The following SPATA17 variants were observed in gnomAD, a reference collection of about 807,000 sequenced individuals.
SPATA17 encodes the protein spermatogenesis associated 17.
SPATA17 carries 53 observed loss-of-function variants against 62.2 expected under a neutral mutation model. The ratio of observed to expected loss-of-function variants is 0.85; its 90% CI spans 0.68 to 1.07. The LOEUF is 1.07. Among genes scored for constraint, SPATA17 ranks in the 50% least tolerant of loss-of-function variants. The probability of loss-of-function intolerance (pLI) is 0.00; values close to 1 mark genes in which losing one functional copy is unlikely to be tolerated. For synonymous variants in SPATA17, 146 were observed against 146.8 expected, an observed-to-expected ratio of 0.99 and a Z score of 0.04; for missense variants, 466 against 425.5, an observed-to-expected ratio of 1.10 and a Z score of -0.84.
At chr1:217,864,262 A>T (rs1035040472) in intron 10 of SPATA17, among the ~76,000 whole-genome samples, 1 of 152,194 alleles carries the variant, frequency 6.6e-6, no homozygotes, top group African/African-American at 2.4e-5. Flanking sequence ...TAACTCAAAG[A>T]TATATCAGTC....
chr1:217,673,874 G>A (rs760601632), intron 4 of SPATA17, among the ~76,000 whole-genome samples: 15 of 152,058 alleles, frequency 9.9e-5, no homozygotes. Context: ...CCATCCTAAA[G>A]TCTATTTCTT....
At chr1:217,820,452 A>C (rs140498902) in intron 9 of SPATA17, among the ~76,000 whole-genome samples, 157 of 152,100 alleles carry the variant, frequency 1.0e-3, no homozygotes, top group African/African-American at 3.6e-3. Flanking sequence ...AGAAGTATTA[A>C]GAATGCAGAT....
At chr1:217,654,002 G>C (rs1670378881) in intron 3 of SPATA17, among the ~76,000 whole-genome samples, 1 of 152,028 alleles carries the variant, frequency 6.6e-6, no homozygotes, top group Non-Finnish European at 1.5e-5. Flanking sequence ...TGCTTCTTTT[G>C]TATGTGAAAT....
At chr1:217,698,141 A>G (rs1157311925) in intron 5 of SPATA17, among the ~76,000 whole-genome samples, 1 of 152,100 alleles carries the variant, frequency 6.6e-6, no homozygotes, top group Non-Finnish European at 1.5e-5. Context: ...AAATTTTTGT[A>G]AAAGTACAAA....
chr1:217,761,632 AGGGGT>A (rs1033359552), intron 6 of SPATA17, among the ~76,000 whole-genome samples: 5 of 152,148 alleles, frequency 3.3e-5, no homozygotes, highest in African/African-American at 1.2e-4. Flanking sequence ...AGGGTGGACT[AGGGGT>A]AGGGGTAGGG....
At chr1:217,717,892 G>A (rs1420188636) in intron 5 of SPATA17, among the ~76,000 whole-genome samples, 4 of 149,096 alleles carry the variant, frequency 2.7e-5, no homozygotes, top group Non-Finnish European at 5.9e-5. Context: ...TACAATGTGT[G>A]TCCGTTTAAT....
intron 3 of SPATA17, among the ~76,000 whole-genome samples, chr1:217,656,130 C>T (rs1232999437): frequency 3.3e-5 from 5 of 151,986 alleles, no homozygotes; most frequent in South Asian, 2.1e-4. Flanking sequence ...ATGATCCACC[C>T]GCCTTGGCCT....
chr1:217,823,425 T>A (rs1674917305), intron 9 of SPATA17, among the ~76,000 whole-genome samples: 1 of 151,974 alleles, frequency 6.6e-6, no homozygotes, highest in Admixed American at 6.6e-5. Context: ...TATATAGGGC[T>A]CTCTAGTTTA....
chr1:217,809,541 G>T (rs1450963803), intron 9 of SPATA17, among the ~76,000 whole-genome samples: 1 of 151,816 alleles, frequency 6.6e-6, no homozygotes, highest in East Asian at 2.0e-4. Flanking sequence ...GGGGAAGCAG[G>T]CACATGAGGA....
intron 6 of SPATA17, among the ~76,000 whole-genome samples, chr1:217,773,579 T>C (rs972132539): frequency 6.6e-6 from 1 of 152,126 alleles, no homozygotes. Flanking sequence ...GACTTAACAT[T>C]TGTCACACAT....
At chr1:217,643,478 G>A (rs1340332582) in intron 1 of SPATA17, among the ~76,000 whole-genome samples, 1 of 152,014 alleles carries the variant, frequency 6.6e-6, no homozygotes, top group Non-Finnish European at 1.5e-5. Context: ...CACTGTCCTT[G>A]CTAAGCTCAG....
intron 2 of SPATA17, among the ~76,000 whole-genome samples, chr1:217,650,008 C>T (rs1670273491): frequency 6.9e-6 from 1 of 144,370 alleles, no homozygotes; most frequent in African/African-American, 2.6e-5. Flanking sequence ...GGCACCATTT[C>T]GGTTCACCGC....
At chr1:217,814,454 T>C (rs1674666743) in intron 9 of SPATA17, among the ~76,000 whole-genome samples, 1 of 152,156 alleles carries the variant, frequency 6.6e-6, no homozygotes, top group Non-Finnish European at 1.5e-5. Context: ...AATCTTTTTC[T>C]GACAGTGAGA....
At chr1:217,661,523 C>G (rs1246082920) in intron 3 of SPATA17, among the ~76,000 whole-genome samples, 1 of 152,112 alleles carries the variant, frequency 6.6e-6, no homozygotes, top group Non-Finnish European at 1.5e-5. Context: ...ACTTCATTAA[C>G]CCACAATAAT....
intron 6 of SPATA17, among the ~76,000 whole-genome samples, chr1:217,768,917 T>C (rs1046297671): frequency 2.6e-5 from 4 of 152,186 alleles, no homozygotes; most frequent in African/African-American, 7.2e-5. Flanking sequence ...AGTTATGTAA[T>C]AGTCAATCAC....
chr1:217,836,383 A>G (rs541822285), intron 9 of SPATA17, among the ~76,000 whole-genome samples: 108 of 152,292 alleles, frequency 7.1e-4, no homozygotes, highest in Non-Finnish European at 1.1e-3. Context: ...ATAGTTTCTA[A>G]AAGGAGCTCA....
intron 5 of SPATA17, among the ~76,000 whole-genome samples, chr1:217,732,741 G>A (rs1672428128): frequency 6.6e-6 from 1 of 152,188 alleles, no homozygotes; most frequent in East Asian, 1.9e-4. Context: ...ACCAACCTTA[G>A]TAGAATGTTG....
At chr1:217,858,322 A>G (rs778983111) in intron 9 of SPATA17, among the ~76,000 whole-genome samples, 1 of 152,164 alleles carries the variant, frequency 6.6e-6, no homozygotes, top group Non-Finnish European at 1.5e-5. Context: ...TTGAAAGAAC[A>G]TGGTAGGTAT....
At chr1:217,634,282 T>A (rs1669888463) in intron 1 of SPATA17, among the ~76,000 whole-genome samples, 1 of 152,210 alleles carries the variant, frequency 6.6e-6, no homozygotes, top group Non-Finnish European at 1.5e-5. Context: ...AGTTTTATTG[T>A]TACTGAAATC....
Sources: gnomAD v4.1 joint callset for allele counts (sites outside exome capture counted in the v4.1 genomes callset) on GRCh38, gnomAD v4.1.1 for gene constraint, MANE v1.5 for transcripts, NCBI Gene and HGNC (gene_info 2026-07-23, HGNC 2026-07-21) for gene names.